Variants in ATRNL1 observed in about 807,000 individuals in gnomAD.
The protein encoded by ATRNL1 is attractin-like protein 1.
ATRNL1 carries 95 observed loss-of-function variants against 182.7 expected under a neutral mutation model. The observed-to-expected ratio is 0.52, with a 90% confidence interval of 0.44 to 0.62. The LOEUF (loss-of-function observed/expected upper bound fraction) is 0.62. Ranked by LOEUF, ATRNL1 falls within the 20% of genes least tolerant of loss-of-function variation. The probability of loss-of-function intolerance (pLI) is 0.00; values close to 1 mark genes in which losing one functional copy is unlikely to be tolerated. For synonymous variants in ATRNL1, 576 were observed against 568.3 expected (o/e 1.01, Z -0.19); for missense variants, 1,471 against 1,679.5 (o/e 0.88, Z 2.17).
chr10:115,269,227 A>G (rs1170362657), intron 13 of ATRNL1, among the ~76,000 whole-genome samples: 1 of 152,218 alleles, frequency 6.6e-6, no homozygotes, highest in Non-Finnish European at 1.5e-5. Context: ...AGCAAAAATT[A>G]AGATTTTAAG....
At chr10:115,739,863 C>T (rs915085867) in intron 27 of ATRNL1, among the ~76,000 whole-genome samples, 1 of 152,024 alleles carries the variant, frequency 6.6e-6, no homozygotes, top group East Asian at 1.9e-4. Flanking sequence ...TATGATTTTG[C>T]TTAATATATT....
intron 26 of ATRNL1, among the ~76,000 whole-genome samples, chr10:115,554,978 A>G (rs1303283364): frequency 2.6e-5 from 4 of 151,806 alleles, no homozygotes; most frequent in East Asian, 3.8e-4. Context: ...TATCTGTATT[A>G]TATATTCAAA....
chr10:115,159,360 T>C (rs1309116386), intron 5 of ATRNL1, among the ~76,000 whole-genome samples: 2 of 151,554 alleles, frequency 1.3e-5, no homozygotes, highest in Non-Finnish European at 3.0e-5. Context: ...CCAAGACTTA[T>C]GAGTAACATC....
intron 28 of ATRNL1, among the ~76,000 whole-genome samples, chr10:115,926,356 A>G (rs1953231412): frequency 6.6e-6 from 1 of 152,148 alleles, no homozygotes; most frequent in Admixed American, 6.6e-5. Flanking sequence ...AGAGCTAGAG[A>G]GGCAAGAGCA....
chr10:115,588,709 T>C (rs971532625), intron 26 of ATRNL1, among the ~76,000 whole-genome samples: 1 of 152,126 alleles, frequency 6.6e-6, no homozygotes, highest in Non-Finnish European at 1.5e-5. Flanking sequence ...CCCGTGTTGG[T>C]GTGGGTATAT....
chr10:115,312,567 A>G (rs1854088157), intron 17 of ATRNL1, among the ~76,000 whole-genome samples: 1 of 152,114 alleles, frequency 6.6e-6, no homozygotes, highest in African/African-American at 2.4e-5. Context: ...TTCAGAGAGA[A>G]TGATGACTAT....
chr10:115,923,476 T>C (rs1555119174), intron 28 of ATRNL1, among the ~76,000 whole-genome samples: 1 of 152,158 alleles, frequency 6.6e-6, no homozygotes, highest in Non-Finnish European at 1.5e-5. Flanking sequence ...TTCTCACTGT[T>C]CAACTCCCAC....
At chr10:115,145,618 A>G (rs1845939062) in intron 5 of ATRNL1, among the ~76,000 whole-genome samples, 1 of 152,204 alleles carries the variant, frequency 6.6e-6, no homozygotes. Context: ...TACTGTAACA[A>G]AATCAAATTT....
chr10:115,337,446 C>G (rs1450522690), intron 19 of ATRNL1, among the ~76,000 whole-genome samples: 1 of 152,046 alleles, frequency 6.6e-6, no homozygotes, highest in East Asian at 1.9e-4. Flanking sequence ...CTTCATTCTT[C>G]CTATTTTTTT....
intron 15 of ATRNL1, among the ~76,000 whole-genome samples, chr10:115,291,616 T>G (rs1460610362): frequency 6.6e-6 from 1 of 152,180 alleles, no homozygotes; most frequent in Non-Finnish European, 1.5e-5. Flanking sequence ...TCTATTGAGA[T>G]GATTGTATGG....
At chr10:115,397,085 C>G (rs1447860327) in intron 20 of ATRNL1, among the ~76,000 whole-genome samples, 3 of 151,632 alleles carry the variant, frequency 2.0e-5, no homozygotes, top group African/African-American at 7.3e-5. Flanking sequence ...AAAGAATAGG[C>G]TCATTATTTT....
chr10:115,712,149 T>A (rs1340738320), intron 26 of ATRNL1, among the ~76,000 whole-genome samples: 1 of 152,188 alleles, frequency 6.6e-6, no homozygotes, highest in African/African-American at 2.4e-5. Flanking sequence ...TGCCTAGAGC[T>A]CCTTCAGTGT....
At chr10:115,325,411 A>G (rs1554932881) in intron 18 of ATRNL1, among the ~76,000 whole-genome samples, 1 of 152,188 alleles carries the variant, frequency 6.6e-6, no homozygotes, top group African/African-American at 2.4e-5. Context: ...TTTTCTTGTT[A>G]TTTGATACAG....
chr10:115,402,649 A>T (rs1006556118), intron 20 of ATRNL1, among the ~76,000 whole-genome samples: 2 of 152,216 alleles, frequency 1.3e-5, no homozygotes, highest in Non-Finnish European at 2.9e-5. Flanking sequence ...TGTTCACAGT[A>T]AATTGAAGAT....
At chr10:115,253,472 T>C (rs1850970882) in intron 10 of ATRNL1, among the ~76,000 whole-genome samples, 1 of 152,130 alleles carries the variant, frequency 6.6e-6, no homozygotes, top group African/African-American at 2.4e-5. Context: ...AAGTTTTTTT[T>C]TGAATTATGA....
At chr10:115,348,477 A>T (rs1856079536) in intron 19 of ATRNL1, among the ~76,000 whole-genome samples, 1 of 152,218 alleles carries the variant, frequency 6.6e-6, no homozygotes, top group South Asian at 2.1e-4. Flanking sequence ...TGATAAAAAT[A>T]TATGATTCAA....
chr10:115,406,325 T>C (rs559253125), intron 20 of ATRNL1, among the ~76,000 whole-genome samples: 297 of 152,318 alleles, frequency 1.9e-3, no homozygotes, highest in African/African-American at 6.8e-3. Flanking sequence ...GTTTTTCCTT[T>C]TTCACCATTA....
intron 26 of ATRNL1, among the ~76,000 whole-genome samples, chr10:115,668,307 T>A (rs1861119304): frequency 1.3e-5 from 2 of 152,164 alleles, no homozygotes; most frequent in Non-Finnish European, 1.5e-5. Flanking sequence ...TGGAGAATTA[T>A]TTTCCTGCTT....
chr10:115,701,148 A>C (rs1402886857), intron 26 of ATRNL1, among the ~76,000 whole-genome samples: 1 of 152,096 alleles, frequency 6.6e-6, no homozygotes, highest in Non-Finnish European at 1.5e-5. Context: ...CAATACCAAT[A>C]AGATCTCTCA....
Sources: allele counts gnomAD v4.1 joint callset (sites outside exome capture counted in the v4.1 genomes callset), GRCh38; gene constraint gnomAD v4.1.1; transcripts MANE v1.5; gene names NCBI Gene and HGNC (gene_info 2026-07-23, HGNC 2026-07-21).